Variants in TENM2 observed in about 807,000 individuals in gnomAD.
TENM2 encodes the protein teneurin-2.
A neutral mutation model predicts 245.2 loss-of-function variants in TENM2; 52 were observed. The observed-to-expected ratio is 0.21, with a 90% CI of 0.17 to 0.27. The LOEUF (loss-of-function observed/expected upper bound fraction) is 0.27. TENM2 is among the 10% of genes least tolerant of loss of function. The probability of loss-of-function intolerance (pLI) is 1.00; values close to 1 mark genes in which losing one functional copy is unlikely to be tolerated. For missense variants in TENM2, 3,046 were observed against 3,666.8 expected (o/e 0.83, Z 4.37); for synonymous variants, 1,363 against 1,438.9 (o/e 0.95, Z 1.19).
chr5:167,212,356 T>C, the TENM2 span, among the ~76,000 whole-genome samples: 4 of 152,148 alleles, frequency 2.6e-5, no homozygotes, highest in East Asian at 3.9e-4. Context: ...AAGGTTTTCA[T>C]TGTGCTCAGC....
At chr5:167,907,736 C>G (rs1008976510) in intron 3 of TENM2, among the ~76,000 whole-genome samples, 4 of 150,336 alleles carry the variant, frequency 2.7e-5, no homozygotes, top group African/African-American at 9.7e-5. Flanking sequence ...GACTCCATTT[C>G]TACAATAAAT....
At chr5:167,787,550 G>A (rs909861197) in intron 2 of TENM2, among the ~76,000 whole-genome samples, 5 of 152,178 alleles carry the variant, frequency 3.3e-5, no homozygotes, top group African/African-American at 1.2e-4. Context: ...CCACCTGGAA[G>A]CTCCTGGCAT....
chr5:168,263,227 GAAGAT>G (rs1581810412), downstream of TENM2: 1 of 162,320 alleles, frequency 6.2e-6, no homozygotes, highest in African/African-American at 2.4e-5. Context: ...ACAAAGAAGC[GAAGAT>G]AAGAAAGAAG....
chr5:167,417,033 A>G (rs181123575), intron 2 of TENM2, among the ~76,000 whole-genome samples: 15 of 152,286 alleles, frequency 9.8e-5, no homozygotes, highest in African/African-American at 3.4e-4. Flanking sequence ...CTATAATCAA[A>G]TATTGTCTTA....
intron 2 of TENM2, among the ~76,000 whole-genome samples, chr5:167,776,593 G>GAAAAAAAAAAAAAAAAAAAAAA (rs869252752): frequency 2.8e-5 from 1 of 36,020 alleles, no homozygotes; most frequent in Non-Finnish European, 5.6e-5. Flanking sequence ...GACCCTGTCT[G>GAAAAAAAAAAAAAAAAAAAAAA]AAAAAAAAAA....
At chr5:167,116,668 T>C in the TENM2 span, 2 of 151,732 alleles carry the variant, frequency 1.3e-5, no homozygotes, top group Non-Finnish European at 2.9e-5. Context: ...GGTAAAATAA[T>C]GAGCAGTAGA....
chr5:167,094,189 G>A, the TENM2 span, among the ~76,000 whole-genome samples: 3 of 152,054 alleles, frequency 2.0e-5, no homozygotes, highest in African/African-American at 7.2e-5. Context: ...ATTTTCTTGA[G>A]CTATAATTGA....
chr5:168,020,286 G>A (rs1288041012), intron 5 of TENM2, among the ~76,000 whole-genome samples: 1 of 152,160 alleles, frequency 6.6e-6, no homozygotes, highest in South Asian at 2.1e-4. Context: ...ATTCTCCAGA[G>A]ATAAGAAAGA....
intron 2 of TENM2, among the ~76,000 whole-genome samples, chr5:167,659,205 A>G (rs2150315946): frequency 6.6e-6 from 1 of 152,350 alleles, no homozygotes. Flanking sequence ...TGTTCATTCT[A>G]TTTCACATTT....
intron 2 of TENM2, among the ~76,000 whole-genome samples, chr5:167,508,360 T>C (rs1256264027): frequency 6.6e-6 from 1 of 152,200 alleles, no homozygotes; most frequent in Non-Finnish European, 1.5e-5. Flanking sequence ...GTGATTTTAA[T>C]TATCTATGTA....
chr5:168,119,813 C>T (rs969582055), intron 10 of TENM2, among the ~76,000 whole-genome samples: 3 of 152,116 alleles, frequency 2.0e-5, no homozygotes, highest in Admixed American at 6.5e-5. Context: ...AAAGTGAAGC[C>T]CCTGCCTATT....
chr5:167,565,363 A>T (rs1424805203), intron 2 of TENM2, among the ~76,000 whole-genome samples: 1 of 152,216 alleles, frequency 6.6e-6, no homozygotes. Context: ...TGTCAATATC[A>T]TCATCAGCTA....
intron 2 of TENM2, among the ~76,000 whole-genome samples, chr5:167,567,826 A>G (rs1337099682): frequency 6.6e-6 from 1 of 152,202 alleles, no homozygotes; most frequent in African/African-American, 2.4e-5. Context: ...TTAAAAGGCC[A>G]GGGACTGTAT....
At chr5:167,745,139 A>T (rs1761469619) in intron 2 of TENM2, among the ~76,000 whole-genome samples, 1 of 152,206 alleles carries the variant, frequency 6.6e-6, no homozygotes, top group African/African-American at 2.4e-5. Flanking sequence ...TTACAATGAG[A>T]TGGAATTGGA....
chr5:167,010,923 T>C, the TENM2 span, among the ~76,000 whole-genome samples: 85 of 152,318 alleles, frequency 5.6e-4, no homozygotes, highest in African/African-American at 2.0e-3. Context: ...TTTATAAATA[T>C]TACACCGTTT....
At chr5:167,635,935 C>G (rs1240390527) in intron 2 of TENM2, among the ~76,000 whole-genome samples, 1 of 151,474 alleles carries the variant, frequency 6.6e-6, no homozygotes, top group East Asian at 2.0e-4. Flanking sequence ...TGAGTCACAG[C>G]GCCCGGCCCA....
chr5:168,143,264 CTT>C (rs35494533), intron 12 of TENM2, among the ~76,000 whole-genome samples: 78 of 144,454 alleles, frequency 5.4e-4, no homozygotes, highest in East Asian at 2.6e-3. Flanking sequence ...AAGTCTTACT[CTT>C]TTTTTTTTTT....
chr5:167,145,340 T>G, the TENM2 span, among the ~76,000 whole-genome samples: 1 of 152,122 alleles, frequency 6.6e-6, no homozygotes, highest in Non-Finnish European at 1.5e-5. Flanking sequence ...CTTGGGAAAG[T>G]TATTAACCCT....
chr5:167,875,986 G>A, exon 3 of TENM2: 1 of 1,550,082 alleles, frequency 6.5e-7, no homozygotes, highest in Non-Finnish European at 8.7e-7. Flanking sequence ...TCTTTCCCAG[G>A]TCGTCCCATT....
Sources: gnomAD v4.1 joint callset for allele counts (sites outside exome capture counted in the v4.1 genomes callset) on GRCh38, gnomAD v4.1.1 for gene constraint, MANE v1.5 for transcripts, NCBI Gene and HGNC (gene_info 2026-07-23, HGNC 2026-07-21) for gene names.